Variants in DLGAP5 observed in about 807,000 individuals in gnomAD.
DLGAP5 encodes DLG associated protein 5.
A neutral mutation model predicts 99.6 loss-of-function variants in DLGAP5; 90 were observed. The ratio of observed to expected loss-of-function variants is 0.90; its 90% CI spans 0.76 to 1.08. The LOEUF is 1.08. DLGAP5 is among the 50% of genes least tolerant of loss of function. The pLI is 0.00. For missense variants in DLGAP5, 1,036 were observed against 983.5 expected (o/e 1.05, Z -0.71); for synonymous variants, 311 against 321.3 (o/e 0.97, Z 0.34).
chr14:55,176,735 T>C (rs562397519), intron 8 of DLGAP5, among the ~76,000 whole-genome samples: 2 of 151,968 alleles, frequency 1.3e-5, no homozygotes, highest in African/African-American at 2.4e-5. Context: ...TCCCAGCACT[T>C]TGGGAGGCCG....
intron 14 of DLGAP5, among the ~76,000 whole-genome samples, chr14:55,156,430 A>G (rs1250082803): frequency 6.6e-6 from 1 of 152,184 alleles, no homozygotes; most frequent in East Asian, 1.9e-4. Context: ...CTTCCCCTAC[A>G]TGGCTCCTGA....
intron 13 of DLGAP5, among the ~76,000 whole-genome samples, chr14:55,161,665 C>T (rs979812838): frequency 7.3e-5 from 11 of 150,908 alleles, no homozygotes; most frequent in Non-Finnish European, 1.0e-4. Flanking sequence ...CCGCCTCAGC[C>T]GCCCAAAGTG....
At chr14:55,152,241 C>T (rs535556145) in intron 16 of DLGAP5, among the ~76,000 whole-genome samples, 12 of 152,344 alleles carry the variant, frequency 7.9e-5, no homozygotes, top group African/African-American at 2.9e-4. Flanking sequence ...CACAGGGTCT[C>T]TGTCATAAGT....
chr14:55,150,876 AAAG>A (rs1881992812), intron 17 of DLGAP5, 28 bp from the exon 18 acceptor site: 8 of 1,482,180 alleles, frequency 5.4e-6, no homozygotes, highest in South Asian at 1.3e-5. Flanking sequence ...AAAACTTTTT[AAAG>A]AATATTCTCA....
At position 55,183,546 on chromosome 14, in the gene DLGAP5, G is replaced by C. The variant is rs755598015; in HGVS notation, c.432+14C>G. ...AAAAGAAACTATTCCTTTATATTAA[G>C]ACACTAAATTTACCTTTTTTGGCTC... On this transcript the variant is annotated intron_variant, in intron 3 of 18. Coordinates refer to ENST00000247191, the MANE Select transcript of DLGAP5 (RefSeq NM_014750.5). The C allele has an allele frequency of 6.5e-7, 1 of 1,531,990 alleles. No individual in the cohort carries two copies. Among genetic ancestry groups the C allele is most frequent in the South Asian group, 1.3e-5 (1 of 77,542 alleles). The allele number at this position is 1,531,990 out of a possible 1,614,324, so 94.9% of individuals were successfully genotyped here.
Position 55,182,472 on chromosome 14 carries a change from T to C in DLGAP5, c.433-40A>G, listed in dbSNP as rs185038672. 356 of 1,536,232 alleles carry C rather than the reference T, an allele frequency of 2.3e-4. 1 individual carries two copies. The East Asian group carries it at 7.5e-3, about 32-fold the overall frequency. ...AAGAAGATGAACTTAAAATATGAAC[T>C]GGTAAAGGTTTACTTCCATATCTTA... On this transcript the variant is annotated intron_variant, in intron 3 of 18. Coordinates refer to ENST00000247191, the MANE Select transcript of DLGAP5 (RefSeq NM_014750.5).
At chr14:55,178,200 C>A (rs186184986) in intron 7 of DLGAP5, among the ~76,000 whole-genome samples, 1 of 151,798 alleles carries the variant, frequency 6.6e-6, no homozygotes, top group East Asian at 2.0e-4. Flanking sequence ...TGCAGTGAGC[C>A]GAGATCGTGT....
intron 13 of DLGAP5, among the ~76,000 whole-genome samples, chr14:55,159,122 G>T (rs1180308887): frequency 6.8e-6 from 1 of 147,100 alleles, no homozygotes; most frequent in African/African-American, 2.5e-5. Context: ...AAATAAGGAT[G>T]ACACCTAAAC....
intron 11 of DLGAP5, 106 bp downstream of exon 11, chr14:55,170,596 T>C: frequency 1.0e-6 from 1 of 985,654 alleles, no homozygotes; most frequent in South Asian, 1.6e-5. Flanking sequence ...CTACTTTGAA[T>C]GATAATGAAA....
chr14:55,152,788 C>A lies in DLGAP5; in HGVS notation c.2064-141G>T. On this transcript the variant is annotated intron_variant, in intron 15 of 18. Transcript: ENST00000247191. ...GCCTGGTGCAAGATCAGGCGTGATC[C>A]AGATAGATTAGTTTTGGACTATAGC... 3 of 620,922 alleles carry A rather than the reference C, an allele frequency of 4.8e-6. No homozygotes were observed. The East Asian group carries it at 9.4e-5, about 19-fold the overall frequency. 38.5% of individuals were successfully genotyped at this position (620,922 alleles called of 1,614,324 possible). A position where few individuals can be genotyped will look rare whatever the true frequency, so the allele number is the denominator to read the frequency against.
intron 2 of DLGAP5, 59 bp from the exon 3 acceptor site, chr14:55,183,812 T>C (rs1883349278): frequency 1.6e-5 from 23 of 1,397,460 alleles, no homozygotes; most frequent in East Asian, 2.7e-5. Flanking sequence ...TGAAAAGTTA[T>C]GCAAATGTAT....
At position 55,189,158 on chromosome 14, in the gene DLGAP5, T is replaced by C. The variant is rs1391005993; in HGVS notation, c.22A>G (p.Ser8Gly). The change falls in exon 2 of 19, where the codon AGT becomes GGT. Residue 8 changes from serine (S) to glycine (G), a missense_variant. Coordinates refer to ENST00000247191, the MANE Select transcript of DLGAP5 (RefSeq NM_014750.5). ...GTACTTATATCCTTCCTGTGTCGACTGGCAAAATGTGATGAAGACATCCTG... is the reference window on the plus strand; with the variant it reads ...GTACTTATATCCTTCCTGTGTCGACCGGCAAAATGTGATGAAGACATCCTG... MSSSHFA[S>G]RHRKDISTEM... 1 of 1,612,486 alleles carries C rather than the reference T, an allele frequency of 6.2e-7. No individual in the cohort carries two copies. Among genetic ancestry groups the C allele is most frequent in the South Asian group, 1.1e-5 (1 of 90,736 alleles).
At chr14:55,158,039 A>G (rs1882274913) in intron 14 of DLGAP5, among the ~76,000 whole-genome samples, 1 of 152,248 alleles carries the variant, frequency 6.6e-6, no homozygotes, top group South Asian at 2.1e-4. Context: ...CTGGGATTAT[A>G]GGCATGAACC....
chr14:55,152,244 T>C (rs1264720042), intron 16 of DLGAP5, among the ~76,000 whole-genome samples: 3 of 152,250 alleles, frequency 2.0e-5, no homozygotes, highest in Non-Finnish European at 4.4e-5. Context: ...AGGGTCTCTG[T>C]CATAAGTACT....
In DLGAP5 at chr14:55,151,861, T is replaced by C; in HGVS notation, c.2202A>G (p.Ala734=). The C allele has an allele frequency of 6.2e-7, 1 of 1,614,018 alleles. No homozygotes were observed. The highest frequency in any genetic ancestry group is 8.5e-7 in the Non-Finnish European group (1 of 1,179,962). Residue 734 remains alanine, a synonymous_variant, in exon 17 of 19, where the codon GCA becomes GCG. Coordinates refer to ENST00000247191, the MANE Select transcript of DLGAP5 (RefSeq NM_014750.5). ...CTTTTTTGTTAGTATTAATATCATCTGCTACTCCACCAGCAAGAAGAGGCA... is the reference window on the plus strand; with the variant it reads ...CTTTTTTGTTAGTATTAATATCATCCGCTACTCCACCAGCAAGAAGAGGCA... ...MSLPLLAGGV[A]DDINTNKKEG...
At chr14:55,186,899 T>A (rs1883452984) in intron 2 of DLGAP5, among the ~76,000 whole-genome samples, 3 of 152,220 alleles carry the variant, frequency 2.0e-5, no homozygotes, top group Admixed American at 6.5e-5. Flanking sequence ...GTTCCTTGGT[T>A]CTTTACTAGT....
At chr14:55,183,489 A>G in intron 3 of DLGAP5, 71 bp downstream of exon 3, 1 of 1,280,236 alleles carries the variant, frequency 7.8e-7, no homozygotes, top group Non-Finnish European at 1.0e-6. Context: ...GAAAGGGGTT[A>G]GTCACTTAAT....
At chr14:55,188,771 T>C (rs111238562) in intron 2 of DLGAP5, among the ~76,000 whole-genome samples, 171 bp downstream of exon 2, 4 of 136,326 alleles carry the variant, frequency 2.9e-5, no homozygotes, top group African/African-American at 8.4e-5. Flanking sequence ...ACCCTGTCTC[T>C]TGTAATTTAA....
intron 2 of DLGAP5, among the ~76,000 whole-genome samples, chr14:55,185,822 T>G (rs1054746528): frequency 6.6e-6 from 1 of 152,218 alleles, no homozygotes; most frequent in Non-Finnish European, 1.5e-5. Context: ...CTTTTCAAAA[T>G]TATGAAAAAC....
Sources: gnomAD v4.1 joint callset for allele counts (sites outside exome capture counted in the v4.1 genomes callset) on GRCh38, gnomAD v4.1.1 for gene constraint, MANE v1.5 for transcripts, NCBI Gene and HGNC (gene_info 2026-07-23, HGNC 2026-07-21) for gene names.